The following SHISA9 variants were observed in gnomAD, a reference collection of about 807,000 sequenced individuals.
The protein encoded by SHISA9 is shisa family member 9, also known as protein shisa-9.
Under a neutral mutation model 38.0 loss-of-function variants are expected in SHISA9, and 13 were observed. The observed-to-expected ratio is 0.34, with a 90% CI of 0.22 to 0.54. The LOEUF is 0.54. SHISA9 is among the 20% of genes least tolerant of loss of function. The pLI is 0.91. For synonymous variants in SHISA9, 275 were observed against 242.0 expected, an observed-to-expected ratio of 1.14 and a Z score of -1.27; for missense variants, 538 against 575.8, an observed-to-expected ratio of 0.93 and a Z score of 0.67.
At chr16:13,450,873 A>G in the SHISA9 span, among the ~76,000 whole-genome samples, 1 of 152,160 alleles carries the variant, frequency 6.6e-6, no homozygotes, top group East Asian at 1.9e-4. Context: ...TGGCGGCAGG[A>G]GGCATAGGAA....
At chr16:13,176,070 A>G (rs532751485) in intron 2 of SHISA9, among the ~76,000 whole-genome samples, 149 of 152,264 alleles carry the variant, frequency 9.8e-4, no homozygotes, top group Non-Finnish European at 1.8e-3. Context: ...GTAACTTTAA[A>G]TATCTTTTTT....
the SHISA9 span, among the ~76,000 whole-genome samples, chr16:13,459,682 C>T: frequency 6.6e-6 from 1 of 152,184 alleles, no homozygotes; most frequent in Non-Finnish European, 1.5e-5. Flanking sequence ...CTTTTCCAGC[C>T]TGGCTCTTGC....
chr16:13,003,291 A>G (rs997403210), intron 2 of SHISA9, among the ~76,000 whole-genome samples: 1 of 152,202 alleles, frequency 6.6e-6, no homozygotes, highest in Non-Finnish European at 1.5e-5. Context: ...GGGGGAAAAC[A>G]TGATCTATTT....
intron 2 of SHISA9, among the ~76,000 whole-genome samples, chr16:13,099,917 G>A (rs1288206963): frequency 1.3e-5 from 2 of 152,192 alleles, no homozygotes; most frequent in African/African-American, 2.4e-5. Context: ...GCTCCCTGTT[G>A]ACCTCTGAGC....
chr16:13,244,252 T>C (rs1411065655), downstream of SHISA9, among the ~76,000 whole-genome samples: 1 of 152,144 alleles, frequency 6.6e-6, no homozygotes, highest in Non-Finnish European at 1.5e-5. Flanking sequence ...ATGAAAATAT[T>C]TTTAGAAACT....
At chr16:13,322,936 C>T in the SHISA9 span, among the ~76,000 whole-genome samples, 1 of 152,138 alleles carries the variant, frequency 6.6e-6, no homozygotes, top group Admixed American at 6.5e-5. Context: ...ATTCATGTCA[C>T]GTCCAGTACC....
the SHISA9 span, among the ~76,000 whole-genome samples, chr16:13,466,851 T>C: frequency 1.3e-5 from 2 of 152,220 alleles, no homozygotes; most frequent in Non-Finnish European, 2.9e-5. Context: ...ACTTAAGCAT[T>C]GTTAATTTTA....
intron 2 of SHISA9, among the ~76,000 whole-genome samples, chr16:13,013,747 A>G (rs1478510721): frequency 3.3e-5 from 5 of 149,964 alleles, no homozygotes; most frequent in Admixed American, 2.6e-4. Context: ...TTTTTTTTTG[A>G]GACGGAGTCT....
chr16:13,415,479 A>G, the SHISA9 span, among the ~76,000 whole-genome samples: 1 of 152,186 alleles, frequency 6.6e-6, no homozygotes, highest in Non-Finnish European at 1.5e-5. Flanking sequence ...AAAATAAGTA[A>G]TAGGGGTATT....
chr16:12,963,584 T>C (rs546761433), intron 2 of SHISA9, among the ~76,000 whole-genome samples: 2 of 152,378 alleles, frequency 1.3e-5, no homozygotes, highest in East Asian at 3.9e-4. Context: ...ATGTTTTATA[T>C]ACTTGTGTCA....
intron 2 of SHISA9, among the ~76,000 whole-genome samples, chr16:13,169,238 T>C (rs947422459): frequency 6.6e-6 from 1 of 152,216 alleles, no homozygotes; most frequent in Admixed American, 6.5e-5. Flanking sequence ...AATAAGTTTT[T>C]AATGTAGACG....
At chr16:13,020,475 C>T (rs1326307843) in intron 2 of SHISA9, among the ~76,000 whole-genome samples, 1 of 152,132 alleles carries the variant, frequency 6.6e-6, no homozygotes, top group Non-Finnish European at 1.5e-5. Context: ...GTTTTCTGTT[C>T]CTGTGTTAGT....
At chr16:12,944,428 C>T (rs563354049) in intron 2 of SHISA9, among the ~76,000 whole-genome samples, 16 of 152,306 alleles carry the variant, frequency 1.1e-4, no homozygotes, top group Non-Finnish European at 1.9e-4. Flanking sequence ...GGCATTGTTA[C>T]GATGATGATT....
the SHISA9 span, among the ~76,000 whole-genome samples, chr16:13,473,371 T>TG: frequency 7.0e-6 from 1 of 143,760 alleles, no homozygotes; most frequent in Non-Finnish European, 1.5e-5. Context: ...TTTTTTTTTT[T>TG]GAGGGGGTAT....
the SHISA9 span, among the ~76,000 whole-genome samples, chr16:13,438,664 A>T: frequency 6.6e-6 from 1 of 152,200 alleles, no homozygotes; most frequent in Admixed American, 6.5e-5. Context: ...GAAAATAATC[A>T]TTTCATTATG....
chr16:13,535,893 A>G, the SHISA9 span, among the ~76,000 whole-genome samples: 2 of 152,184 alleles, frequency 1.3e-5, no homozygotes, highest in Non-Finnish European at 2.9e-5. Context: ...TCTGCTAACT[A>G]CAGCTTCACT....
chr16:13,140,823 A>G (rs1338706203), intron 2 of SHISA9, among the ~76,000 whole-genome samples: 1 of 152,182 alleles, frequency 6.6e-6, no homozygotes, highest in East Asian at 1.9e-4. Flanking sequence ...ACACCCAATA[A>G]CTAGACTAGG....
chr16:13,539,344 A>T, the SHISA9 span, among the ~76,000 whole-genome samples: 10,989 of 43,368 alleles, frequency 0.25, 1,402 homozygotes, highest in East Asian at 0.37. Context: ...TATATATATA[A>T]AGATATATAT....
chr16:13,245,391 G>C (rs1205406774), downstream of SHISA9, among the ~76,000 whole-genome samples: 3 of 152,144 alleles, frequency 2.0e-5, no homozygotes, highest in South Asian at 6.2e-4. Flanking sequence ...GTGAGACTTA[G>C]AGCTACTTAC....
Sources: allele counts gnomAD v4.1 joint callset (sites outside exome capture counted in the v4.1 genomes callset), GRCh38; gene constraint gnomAD v4.1.1; transcripts MANE v1.5; gene names NCBI Gene and HGNC (gene_info 2026-07-23, HGNC 2026-07-21).